The following KAZN variants were observed in gnomAD, a reference collection of about 807,000 sequenced individuals.
KAZN encodes the protein kazrin, periplakin interacting protein.
A neutral mutation model predicts 87.4 loss-of-function variants in KAZN; 40 were observed. The observed-to-expected ratio is 0.46, with a 90% confidence interval of 0.36 to 0.60. KAZN has a LOEUF of 0.60. KAZN is among the 20% of genes least tolerant of loss of function. The pLI is 0.00. For synonymous variants in KAZN, 466 were observed against 458.3 expected, an observed-to-expected ratio of 1.02 and a Z score of -0.22; for missense variants, 898 against 1,073.9, an observed-to-expected ratio of 0.84 and a Z score of 2.29.
Position 14,925,563 on chromosome 1 carries a change from A to G in KAZN, c.227-35121A>G, listed in dbSNP as rs147702220. Among the ~76,000 whole-genome samples, 584 of 152,286 alleles carry G rather than the reference A, an allele frequency of 3.8e-3. 4 individuals carry two copies. The highest frequency in any genetic ancestry group is 0.013 in the African/African-American group (557 of 41,562). ...GCCCGGAGGTTAAGCGACTTGCCCA[A>G]GTTCCCAGAGTCCTAAATCATGGTG... On this transcript the variant is annotated intron_variant, in intron 1 of 14. Coordinates refer to ENST00000376030, the MANE Select transcript of KAZN (RefSeq NM_201628.3).
At chr1:14,708,715 G>A (rs929910605) in intron 1 of KAZN, among the ~76,000 whole-genome samples, 1 of 152,226 alleles carries the variant, frequency 6.6e-6, no homozygotes, top group African/African-American at 2.4e-5. Flanking sequence ...ATCAAGAGCA[G>A]CTAATTCTCA....
At chr1:14,713,132 T>G (rs1334053321) in intron 1 of KAZN, among the ~76,000 whole-genome samples, 2 of 152,224 alleles carry the variant, frequency 1.3e-5, no homozygotes, top group African/African-American at 4.8e-5. Context: ...CTGGGGTGAC[T>G]GGGGCCACCA....
intron 1 of KAZN, among the ~76,000 whole-genome samples, chr1:13,958,297 G>A (rs910543429): frequency 1.3e-5 from 2 of 152,150 alleles, no homozygotes; most frequent in Non-Finnish European, 2.9e-5. Context: ...TTGGCTGGGT[G>A]CGGTGGCTCA....
intron 1 of KAZN, among the ~76,000 whole-genome samples, chr1:14,824,945 C>T (rs1378813394): frequency 6.6e-6 from 1 of 152,248 alleles, no homozygotes; most frequent in Non-Finnish European, 1.5e-5. Context: ...TGCAGAGGCA[C>T]TGAGGTAGGT....
At chr1:14,691,688 T>G (rs1487944378) in intron 1 of KAZN, among the ~76,000 whole-genome samples, 1 of 152,148 alleles carries the variant, frequency 6.6e-6, no homozygotes, top group East Asian at 1.9e-4. Flanking sequence ...GGTTTTGCCA[T>G]GTTGGCCAGG....
At chr1:15,036,474 C>T (rs1672349825) in intron 3 of KAZN, among the ~76,000 whole-genome samples, 2 of 151,760 alleles carry the variant, frequency 1.3e-5, no homozygotes, top group African/African-American at 4.9e-5. Context: ...CCTCCCCATG[C>T]CTGTCACAGG....
chr1:14,727,374 A>C (rs992056109), intron 1 of KAZN, among the ~76,000 whole-genome samples: 2 of 147,704 alleles, frequency 1.4e-5, no homozygotes, highest in East Asian at 4.0e-4. Flanking sequence ...CATTGAAGAC[A>C]ATTTTTCCAT....
At chr1:14,051,352 G>A (rs1642318568) in intron 1 of KAZN, among the ~76,000 whole-genome samples, 2 of 152,128 alleles carry the variant, frequency 1.3e-5, no homozygotes, top group South Asian at 4.2e-4. Flanking sequence ...GTCAAGAAGA[G>A]TGCTCAGAGG....
At chr1:14,362,126 C>T (rs1303308093) in intron 2 of KAZN, among the ~76,000 whole-genome samples, 1 of 152,170 alleles carries the variant, frequency 6.6e-6, no homozygotes, top group East Asian at 1.9e-4. Flanking sequence ...TATTATTCCA[C>T]CGTCTCTGTG....
chr1:14,091,064 A>G (rs984255378), intron 1 of KAZN, among the ~76,000 whole-genome samples: 2 of 146,138 alleles, frequency 1.4e-5, no homozygotes, highest in Non-Finnish European at 3.0e-5. Flanking sequence ...GTGAGCTGAG[A>G]TCATGTCACT....
intron 1 of KAZN, among the ~76,000 whole-genome samples, chr1:13,970,613 G>A (rs1182638937): frequency 6.6e-6 from 1 of 152,178 alleles, no homozygotes; most frequent in Non-Finnish European, 1.5e-5. Flanking sequence ...CAAAGGCAGG[G>A]GGATAGAGGA....
At chr1:13,998,834 G>A (rs1006227994) in intron 1 of KAZN, among the ~76,000 whole-genome samples, 11 of 152,200 alleles carry the variant, frequency 7.2e-5, no homozygotes, top group Admixed American at 1.3e-4. Context: ...AAGGATATTC[G>A]GGACTTGAAT....
intron 1 of KAZN, among the ~76,000 whole-genome samples, chr1:14,886,052 G>A (rs1318589624): frequency 1.3e-5 from 2 of 151,918 alleles, no homozygotes; most frequent in Non-Finnish European, 2.9e-5. Flanking sequence ...AATGTGGCAA[G>A]CCATAAAGTC....
intron 2 of KAZN, among the ~76,000 whole-genome samples, chr1:14,995,642 A>T (rs1573010534): frequency 6.7e-6 from 1 of 149,450 alleles, no homozygotes; most frequent in South Asian, 2.2e-4. Context: ...AAAAAAAAAA[A>T]TAGACTGGTA....
intron 1 of KAZN, among the ~76,000 whole-genome samples, chr1:14,727,412 T>G (rs1324933245): frequency 6.9e-6 from 1 of 145,684 alleles, no homozygotes; most frequent in Non-Finnish European, 1.5e-5. Context: ...AGGATGGTTT[T>G]GGGGTGATTC....
chr1:14,121,216 G>A (rs940610190), intron 1 of KAZN, among the ~76,000 whole-genome samples: 7 of 152,126 alleles, frequency 4.6e-5, no homozygotes, highest in Non-Finnish European at 1.0e-4. Context: ...GTATTAGCAG[G>A]CATTCAGAAA....
chr1:14,883,286 A>G, intron 1 of KAZN, among the ~76,000 whole-genome samples: 1 of 140,452 alleles, frequency 7.1e-6, no homozygotes, highest in Non-Finnish European at 1.5e-5. Flanking sequence ...GAAAAGCGAA[A>G]CTCCATCTCA....
At chr1:14,537,607 T>G (rs1480210309) in intron 2 of KAZN, among the ~76,000 whole-genome samples, 1 of 152,124 alleles carries the variant, frequency 6.6e-6, no homozygotes, top group Non-Finnish European at 1.5e-5. Context: ...AAGCCTCAGT[T>G]CCTACAGTTC....
At chr1:14,722,836 C>T (rs1055830434) in intron 1 of KAZN, among the ~76,000 whole-genome samples, 4 of 152,172 alleles carry the variant, frequency 2.6e-5, no homozygotes, top group African/African-American at 9.7e-5. Context: ...ATTTAAACAC[C>T]TCCATTTAGC....
Sources: gnomAD v4.1 joint callset for allele counts (sites outside exome capture counted in the v4.1 genomes callset) on GRCh38, gnomAD v4.1.1 for gene constraint, MANE v1.5 for transcripts, NCBI Gene and HGNC (gene_info 2026-07-23, HGNC 2026-07-21) for gene names.